PSD2: variants seen among roughly 807,000 people sequenced by gnomAD.
PSD2 encodes pleckstrin and Sec7 domain containing 2.
In PSD2, 38 loss-of-function variants were observed where a neutral mutation model predicts 69.8. The ratio of observed to expected loss-of-function variants is 0.54; its 90% CI spans 0.42 to 0.71. The LOEUF is 0.71. Ranked by LOEUF, PSD2 falls within the 30% of genes least tolerant of loss-of-function variation. The pLI, the probability that PSD2 is intolerant of heterozygous loss-of-function variation, is 0.00. For synonymous variants in PSD2, 412 were observed against 423.0 expected (o/e 0.97, Z 0.32); for missense variants, 943 against 1,014.5 (o/e 0.93, Z 0.96).
chr5:139,835,650 T>G, intron 8 of PSD2, 73 bp from the exon 9 acceptor site: 13 of 1,433,372 alleles, frequency 9.1e-6, no homozygotes, highest in African/African-American at 1.4e-5. Flanking sequence ...ACTGTACCCA[T>G]GTTATTGGTG....
At chr5:139,774,666 T>C in the PSD2 span, among the ~76,000 whole-genome samples, 1 of 152,004 alleles carries the variant, frequency 6.6e-6, no homozygotes, top group Non-Finnish European at 1.5e-5. Context: ...AATTTTTGTA[T>C]TTTTTAGTAG....
In PSD2 at chr5:139,843,277, G is replaced by A. The variant is rs1760921756; in HGVS notation, c.*803G>A. On this transcript the variant is annotated 3_prime_UTR_variant, in exon 15 of 15. Transcript: ENST00000274710. Reference sequence around the variant, plus strand: ...CCCTGGCATTCCTGACGCTCTAGGAGGGAAGGGGGAGGCAGTGCTGGCCTC... The same window carrying A: ...CCCTGGCATTCCTGACGCTCTAGGAAGGAAGGGGGAGGCAGTGCTGGCCTC... The A allele has an allele frequency of 6.6e-6, 1 of 152,234 alleles. No homozygotes were observed. The highest frequency in any genetic ancestry group is 2.4e-5 in the African/African-American group (1 of 41,456). The allele number at this position is 152,234 out of a possible 1,614,324, so 9.4% of individuals were successfully genotyped here. A position where few individuals can be genotyped will look rare whatever the true frequency, so the allele number is the denominator to read the frequency against.
At chr5:139,830,379 GTC>G (rs1760544052) in intron 7 of PSD2, among the ~76,000 whole-genome samples, 1 of 131,766 alleles carries the variant, frequency 7.6e-6, no homozygotes, top group South Asian at 2.3e-4. Flanking sequence ...TTGAGACAGC[GTC>G]TCTCTGTTGC....
chr5:139,776,153 C>T, the PSD2 span, among the ~76,000 whole-genome samples: 1 of 152,248 alleles, frequency 6.6e-6, no homozygotes, highest in Non-Finnish European at 1.5e-5. Context: ...CCTCCTGCCG[C>T]TGAGGGCTGG....
chr5:139,800,937 G>T, intron 1 of PSD2, among the ~76,000 whole-genome samples: 1 of 152,082 alleles, frequency 6.6e-6, no homozygotes, highest in East Asian at 1.9e-4. Context: ...GGGCACGGCG[G>T]CTCACACCTG....
At chr5:139,807,565 A>G (rs532967189) in intron 1 of PSD2, among the ~76,000 whole-genome samples, 54 of 152,184 alleles carry the variant, frequency 3.5e-4, no homozygotes, top group African/African-American at 1.2e-3. Flanking sequence ...GGCTTTTGAG[A>G]TGTTTAAGTC....
chr5:139,785,825 G>T, the PSD2 span, among the ~76,000 whole-genome samples: 2 of 152,126 alleles, frequency 1.3e-5, no homozygotes, highest in South Asian at 4.1e-4. Flanking sequence ...GCAGTGGCTC[G>T]CGCCTATAAT....
chr5:139,779,179 T>G, the PSD2 span, among the ~76,000 whole-genome samples: 1 of 152,152 alleles, frequency 6.6e-6, no homozygotes, highest in African/African-American at 2.4e-5. Flanking sequence ...GGTGTTTGGT[T>G]ACATGAGTCA....
intron 5 of PSD2, 109 bp from the exon 6 acceptor site, chr5:139,821,784 G>A: frequency 1.6e-6 from 1 of 606,070 alleles, no homozygotes; most frequent in East Asian, 3.0e-5. Context: ...AGAGAGTGGG[G>A]CACTGGAGCC....
chr5:139,820,382 C>T (rs2045781486), intron 5 of PSD2, among the ~76,000 whole-genome samples: 1 of 152,010 alleles, frequency 6.6e-6, no homozygotes, highest in Admixed American at 6.5e-5. Flanking sequence ...GCAAGAGAGA[C>T]AGGGAGAGGA....
intron 5 of PSD2, among the ~76,000 whole-genome samples, chr5:139,818,146 G>A (rs1349911012): frequency 6.6e-6 from 1 of 152,156 alleles, no homozygotes; most frequent in African/African-American, 2.4e-5. Flanking sequence ...GCAGATACTG[G>A]CCAGGTCCTA....
chr5:139,834,491 G>A lies in PSD2; in HGVS notation c.1359+700G>A, dbSNP rs192566041. Among the ~76,000 whole-genome samples, 136 of 151,176 alleles carry A rather than the reference G, an allele frequency of 9.0e-4. 2 individuals carry two copies. The East Asian group carries it at 0.019, about 21-fold the overall frequency. Reference sequence around the variant, plus strand: ...CTTTTTTTTTTTTTTATAGAGCTGGGGATCTCACTATGTTGCCCAGGCTGG... The same window carrying A: ...CTTTTTTTTTTTTTTATAGAGCTGGAGATCTCACTATGTTGCCCAGGCTGG... On this transcript the variant is annotated intron_variant, in intron 8 of 14. Coordinates refer to ENST00000274710, the MANE Select transcript of PSD2 (RefSeq NM_032289.4).
chr5:139,746,124 T>A, the PSD2 span: 2 of 152,310 alleles, frequency 1.3e-5, no homozygotes, highest in African/African-American at 4.8e-5. The surrounding 1 kb of genome is among the most constrained non-coding windows in gnomAD (Gnocchi z 4.5). Flanking sequence ...GTCATTTGTA[T>A]CGTGAAAGCT....
chr5:139,778,550 CT>C, the PSD2 span, among the ~76,000 whole-genome samples: 4 of 152,186 alleles, frequency 2.6e-5, no homozygotes. Context: ...TTATTTACAA[CT>C]TTTTGCCATT....
At chr5:139,789,804 A>G in the PSD2 span, among the ~76,000 whole-genome samples, 1 of 152,162 alleles carries the variant, frequency 6.6e-6, no homozygotes, top group African/African-American at 2.4e-5. Context: ...AAGGACAAGC[A>G]TATGGTATAT....
chr5:139,842,278 G>A lies in PSD2; in HGVS notation c.2120G>A (p.Arg707His), dbSNP rs200301186. The A allele has an allele frequency of 1.3e-5, 21 of 1,614,026 alleles. No individual in the cohort carries two copies. The highest frequency in any genetic ancestry group is 1.7e-5 in the Admixed American group (1 of 60,020). ...TGTTTGGCCTTTCCCCAGAAAAGCCGTTATGAGACCTATATCCACCTCCTG... is the reference window on the plus strand; with the variant it reads ...TGTTTGGCCTTTCCCCAGAAAAGCCATTATGAGACCTATATCCACCTCCTG... ...KEHYLTFEKS[R>H]YETYIHLLAM... The change falls in exon 15 of 15, where the codon CGT becomes CAT. Residue 707 changes from arginine to histidine, a missense_variant. Coordinates refer to ENST00000274710, the MANE Select transcript of PSD2 (RefSeq NM_032289.4).
At chr5:139,780,443 T>G in the PSD2 span, among the ~76,000 whole-genome samples, 6 of 152,116 alleles carry the variant, frequency 3.9e-5, no homozygotes, top group Non-Finnish European at 8.8e-5. Flanking sequence ...CTTTTTTTTG[T>G]TGTTGTTGTT....
chr5:139,762,104 G>A, the PSD2 span, among the ~76,000 whole-genome samples: 15 of 152,108 alleles, frequency 9.9e-5, no homozygotes, highest in Middle Eastern at 0.014. Context: ...GTGCAGTGGC[G>A]TAATCTCGGC....
intron 1 of PSD2, among the ~76,000 whole-genome samples, chr5:139,802,602 C>G (rs1352648261): frequency 6.6e-6 from 1 of 151,996 alleles, no homozygotes. Flanking sequence ...CTCTCTTGAC[C>G]AAGACAGCTT....
Sources: gnomAD v4.1 joint callset for allele counts (sites outside exome capture counted in the v4.1 genomes callset) on GRCh38, gnomAD v4.1.1 for gene constraint, Gnocchi (gnomAD v3.1) non-coding constraint, MANE v1.5 for transcripts, NCBI Gene and HGNC (gene_info 2026-07-23, HGNC 2026-07-21) for gene names.